Variants in DMD observed in about 807,000 individuals in gnomAD.
DMD encodes mutant dystrophin.
A neutral mutation model predicts 330.1 loss-of-function variants in DMD; 63 were observed. The observed-to-expected ratio is 0.19, with a 90% confidence interval of 0.16 to 0.24. The LOEUF (loss-of-function observed/expected upper bound fraction) is 0.24, where lower values mean the gene tolerates loss of function less well. Ranked by LOEUF, DMD falls within the 10% of genes least tolerant of loss-of-function variation. The pLI, the probability that DMD is intolerant of heterozygous loss-of-function variation, is 1.00. For missense variants in DMD, 3,344 were observed against 2,684.1 expected (o/e 1.25, Z -5.43); for synonymous variants, 1,223 against 959.8 (o/e 1.27, Z -5.07).
intron 29 of DMD, among the ~76,000 whole-genome samples, chrX:32,418,174 T>C (rs1317876827): frequency 9.0e-6 from 1 of 111,465 alleles, no homozygotes; most frequent in African/African-American, 3.3e-5. Flanking sequence ...CATGGCGCCA[T>C]CTACCTGGAT....
chrX:31,352,156 T>C (rs112089388), intron 60 of DMD, among the ~76,000 whole-genome samples: 19 of 111,378 alleles, frequency 1.7e-4, no homozygotes, highest in Non-Finnish European at 3.2e-4. Context: ...CTGCAGTTGT[T>C]CAACGTATTT....
At chrX:32,690,224 T>C (rs970487219) in intron 9 of DMD, among the ~76,000 whole-genome samples, 1 of 111,097 alleles carries the variant, frequency 9.0e-6, no homozygotes, top group Non-Finnish European at 1.9e-5. Flanking sequence ...AAAATCATCA[T>C]ACAAAAATTA....
Position 32,491,329 on chromosome X carries a change from G to A in DMD, c.2570C>T (p.Pro857Leu), listed in dbSNP as rs1302325394. 1 of 1,209,343 alleles carries A rather than the reference G, an allele frequency of 8.3e-7. No homozygotes were observed. Among genetic ancestry groups the A allele is most frequent in the Non-Finnish European group, 1.1e-6 (1 of 894,897 alleles). The stretch of plus-strand genomic sequence containing the variant: ...TGCTGTTGGCTCTGATGGGGTGGTG[G>A]GTTGGATTTTCAACCAGTTTTCAGC... ...TTAENWLKIQ[P>L]TTPSEPTAIK... The change falls in exon 20 of 79, where the codon CCC becomes CTC. Residue 857 changes from proline (P) to leucine (L), a missense_variant. By Grantham distance (98) the Pro-to-Leu change is moderately conservative (BLOSUM62 -3). Coordinates refer to ENST00000357033, the MANE Select transcript of DMD (RefSeq NM_004006.3).
chrX:32,694,202 C>A (rs972708652), intron 9 of DMD, among the ~76,000 whole-genome samples: 26 of 111,222 alleles, frequency 2.3e-4, no homozygotes, highest in African/African-American at 7.9e-4. Flanking sequence ...ATCATATATA[C>A]ATCTAGAGAT....
At chrX:32,207,026 G>A (rs1294822496) in intron 44 of DMD, among the ~76,000 whole-genome samples, 1 of 111,683 alleles carries the variant, frequency 9.0e-6, no homozygotes, top group Non-Finnish European at 1.9e-5. Context: ...AAGTATACAT[G>A]TAAAATAAAA....
chrX:32,153,630 G>A (rs779795593), intron 44 of DMD, among the ~76,000 whole-genome samples: 3 of 111,894 alleles, frequency 2.7e-5, no homozygotes, highest in African/African-American at 9.7e-5. Flanking sequence ...TCACAACCAA[G>A]ACTATCCTAA....
At chrX:32,476,112 G>A (rs952986425) in intron 21 of DMD, among the ~76,000 whole-genome samples, 10 of 110,955 alleles carry the variant, frequency 9.0e-5, no homozygotes, top group East Asian at 2.8e-4. Context: ...GACACATGGC[G>A]GTATGTTGGA....
chrX:32,787,218 G>C (rs1312088001), intron 7 of DMD, among the ~76,000 whole-genome samples: 1 of 60,712 alleles, frequency 1.6e-5, no homozygotes, highest in African/African-American at 5.8e-5. Flanking sequence ...TGTCAAGTGT[G>C]TGTGTGTGTG....
At position 32,336,041 on chromosome X, in the gene DMD, CGTGTATATATAACGTTA is replaced by C. The variant is rs2097712434; in HGVS notation, c.5922+6042_5922+6058del. Among the ~76,000 whole-genome samples the C allele has an allele frequency of 3.0e-5, 3 of 99,441 alleles. No homozygotes were observed. The South Asian group carries it at 1.4e-3, about 46-fold the overall frequency. 86.4% of individuals were successfully genotyped at this position (99,441 alleles called of 115,157 possible). ...CGTGTATATATAACGTTATATATAA[CGTGTATATATAACGTTA>C]TATATAACGTGTGTATAACATGTTA... On this transcript the variant is annotated intron_variant, in intron 41 of 78. Transcript: ENST00000357033.
chrX:32,863,537 TACACACACACACACACAC>T (rs199774174), intron 2 of DMD, among the ~76,000 whole-genome samples: 3 of 78,245 alleles, frequency 3.8e-5, no homozygotes, highest in South Asian at 6.9e-4. Flanking sequence ...ATTGTGTTTA[TACACACACACACACACAC>T]ACACACACAC....
intron 16 of DMD, among the ~76,000 whole-genome samples, chrX:32,561,893 C>A (rs753123158): frequency 9.0e-6 from 1 of 111,414 alleles, no homozygotes; most frequent in Non-Finnish European, 1.9e-5. Flanking sequence ...TATTCAACAC[C>A]GTGAAAGAAA....
At chrX:32,930,625 G>C (rs1348979485) in intron 2 of DMD, among the ~76,000 whole-genome samples, 2 of 110,211 alleles carry the variant, frequency 1.8e-5, no homozygotes, top group Admixed American at 2.0e-4. Flanking sequence ...GCTACCCATT[G>C]TCCTTCCCAG....
At chrX:32,428,899 A>G (rs2098224319) in intron 29 of DMD, among the ~76,000 whole-genome samples, 1 of 111,835 alleles carries the variant, frequency 8.9e-6, no homozygotes, top group Admixed American at 9.5e-5. Flanking sequence ...GGCGTGAGCC[A>G]CCATGCCCGG....
chrX:31,884,966 T>C (rs1356757125), intron 47 of DMD, among the ~76,000 whole-genome samples: 4 of 111,545 alleles, frequency 3.6e-5, no homozygotes, highest in Non-Finnish European at 7.5e-5. Flanking sequence ...ATATGTTTTA[T>C]ATGTTAAATA....
intron 6 of DMD, among the ~76,000 whole-genome samples, chrX:32,814,486 G>C (rs1603435133): frequency 9.0e-6 from 1 of 111,565 alleles, no homozygotes; most frequent in Non-Finnish European, 1.9e-5. Context: ...CTATGGAACA[G>C]AGAGTTCAAC....
rs776182529 is a variant in DMD, at chrX:31,617,490, C to T, written c.8217+10183G>A. Among the ~76,000 whole-genome samples the T allele has an allele frequency of 2.5e-4, 24 of 95,618 alleles. 2 individuals carry two copies. In the South Asian group the frequency reaches 7.0e-3, roughly 28 times the overall value. The allele number at this position is 95,618 out of a possible 115,157, so 83.0% of individuals were successfully genotyped here. The stretch of plus-strand genomic sequence containing the variant: ...TGGAGGTTGCAGTGAGCCAAGATTG[C>T]GCCATTGCACTCCAGCCTGGGGGAC... On this transcript the variant is annotated intron_variant, in intron 55 of 78. Coordinates refer to ENST00000357033, the MANE Select transcript of DMD (RefSeq NM_004006.3).
At chrX:31,388,075 C>A (rs2060528993) in intron 60 of DMD, among the ~76,000 whole-genome samples, 3 of 107,824 alleles carry the variant, frequency 2.8e-5, no homozygotes, top group Admixed American at 2.0e-4. Context: ...TCTCGGCTCA[C>A]TGCAATCTCC....
intron 55 of DMD, among the ~76,000 whole-genome samples, chrX:31,543,676 CATACTT>C (rs1284589074): frequency 8.9e-6 from 1 of 112,005 alleles, no homozygotes; most frequent in Non-Finnish European, 1.9e-5. Context: ...AGATATGAAA[CATACTT>C]AAAGAGCTAA....
At chrX:31,495,263 C>T (rs1454086337) in intron 57 of DMD, among the ~76,000 whole-genome samples, 1 of 110,396 alleles carries the variant, frequency 9.1e-6, no homozygotes, top group African/African-American at 3.3e-5. Flanking sequence ...CCTCAAGATG[C>T]CACCTTTGGC....
Sources: allele counts gnomAD v4.1 joint callset (sites outside exome capture counted in the v4.1 genomes callset), GRCh38; gene constraint gnomAD v4.1.1; transcripts MANE v1.5; gene names NCBI Gene and HGNC (gene_info 2026-07-23, HGNC 2026-07-21).